Variants in GCFC2 observed in about 807,000 individuals in gnomAD.
GCFC2 encodes intron Large complex component GCFC2.
Under a neutral mutation model 99.4 loss-of-function variants are expected in GCFC2, and 102 were observed. The ratio of observed to expected loss-of-function variants is 1.03; its 90% confidence interval spans 0.87 to 1.21. GCFC2 has a LOEUF of 1.21. Among genes scored for constraint, GCFC2 ranks in the 50% most tolerant of loss-of-function variants. The pLI is 0.00. For synonymous variants in GCFC2, 338 were observed against 316.8 expected (o/e 1.07, Z -0.71); for missense variants, 973 against 920.9 (o/e 1.06, Z -0.73).
chr2:75,695,921 CAT>C (rs1424761776), intron 5 of GCFC2, among the ~76,000 whole-genome samples: 1 of 152,168 alleles, frequency 6.6e-6, no homozygotes, highest in Admixed American at 6.5e-5. Context: ...CAATTTAAAA[CAT>C]ATGAATTGTT....
intron 11 of GCFC2, among the ~76,000 whole-genome samples, chr2:75,680,875 C>A (rs915931407): frequency 3.3e-5 from 5 of 152,200 alleles, no homozygotes; most frequent in African/African-American, 1.2e-4. Context: ...ACAGCATCTA[C>A]ACACCTACCT....
In GCFC2 at chr2:75,670,186, T is replaced by C. The variant is rs140250823; in HGVS notation, c.2055A>G (p.Ala685=). Residue 685 remains alanine (A), a synonymous_variant, in exon 15 of 17, where the codon GCA becomes GCG. Transcript: ENST00000321027. ...GKLLNRYLII[A]LLNATPGPDV... ...CTGGCCCAGGTGTGGCATTGAGAAGTGCTATAATAAGGTAACGATTTAGCA... is the reference window on the plus strand; with the variant it reads ...CTGGCCCAGGTGTGGCATTGAGAAGCGCTATAATAAGGTAACGATTTAGCA... 320 of 1,609,650 alleles carry C rather than the reference T, an allele frequency of 2.0e-4. No homozygotes were observed. The African/African-American group carries it at 3.9e-3, about 20-fold the overall frequency.
chr2:75,683,587 C>T (rs1679671492), intron 11 of GCFC2, among the ~76,000 whole-genome samples: 1 of 151,956 alleles, frequency 6.6e-6, no homozygotes, highest in Admixed American at 6.6e-5. Context: ...CAAATTCACA[C>T]ATAACAATAT....
chr2:75,689,311 A>G (rs1679951898), intron 9 of GCFC2, 86 bp from the exon 10 acceptor site: 2 of 673,440 alleles, frequency 3.0e-6, no homozygotes, highest in Admixed American at 6.1e-5. Context: ...ATGGACTGTA[A>G]TCAATTGAGC....
rs765485907 is a variant in GCFC2, at chr2:75,710,791, G to A, written c.65C>T (p.Ala22Val). The A allele has an allele frequency of 2.4e-5, 38 of 1,577,092 alleles. No homozygotes were observed. The Admixed American group carries it at 2.8e-4, about 12-fold the overall frequency. ...RAADSSDSDG[A>V]EESPAEPGAP... ...CCCAGGCTCAGCAGGCGACTCCTCG[G>A]CGCCATCGCTGTCGCTGGAATCAGC... The change falls in exon 1 of 17, where the codon GCC becomes GTC. Residue 22 changes from alanine to valine, a missense_variant. Physicochemically the swap from Ala to Val is moderately conservative, Grantham distance 64. Transcript: ENST00000321027.
intron 6 of GCFC2, 26 bp downstream of exon 6, chr2:75,694,215 T>C (rs750587736): frequency 6.7e-6 from 4 of 596,570 alleles, no homozygotes; most frequent in Admixed American, 2.9e-5. Flanking sequence ...AAAAAGGAAA[T>C]GATATAAATA....
intron 11 of GCFC2, among the ~76,000 whole-genome samples, chr2:75,687,166 C>T (rs1679856538): frequency 6.6e-6 from 1 of 152,090 alleles, no homozygotes; most frequent in Non-Finnish European, 1.5e-5. Flanking sequence ...GAACTCCTGA[C>T]CTCAGGTGAT....
At chr2:75,703,222 C>T (rs972001438) in intron 2 of GCFC2, among the ~76,000 whole-genome samples, 1 of 152,126 alleles carries the variant, frequency 6.6e-6, no homozygotes, top group South Asian at 2.1e-4. Context: ...AAAAATACTA[C>T]ATTAAAGAAA....
chr2:75,687,805 T>C, intron 11 of GCFC2, 22 bp downstream of exon 11: 1 of 1,571,482 alleles, frequency 6.4e-7, no homozygotes, highest in South Asian at 1.2e-5. Flanking sequence ...AATTTAATTT[T>C]ACCAAGGTTA....
chr2:75,666,154 C>T, intron 15 of GCFC2, 101 bp from the exon 16 acceptor site: 1 of 803,918 alleles, frequency 1.2e-6, no homozygotes, highest in Non-Finnish European at 1.9e-6. Flanking sequence ...TCATTCTCCC[C>T]ATTTTATAGT....
upstream of GCFC2, chr2:75,711,131 T>A: frequency 8.0e-7 from 1 of 1,246,222 alleles, no homozygotes; most frequent in East Asian, 3.6e-5. Flanking sequence ...TCACGGCCTA[T>A]CCGGTCTGAG....
At chr2:75,674,438 G>A (rs543418740) in intron 12 of GCFC2, among the ~76,000 whole-genome samples, 9 of 151,866 alleles carry the variant, frequency 5.9e-5, no homozygotes, top group South Asian at 2.1e-4. Context: ...CTATAAATAC[G>A]CAATGAGATA....
At chr2:75,676,471 T>C (rs1459284471) in intron 12 of GCFC2, among the ~76,000 whole-genome samples, 1 of 152,168 alleles carries the variant, frequency 6.6e-6, no homozygotes, top group Non-Finnish European at 1.5e-5. Context: ...TCATACTTTT[T>C]TTTTTTTTAC....
At chr2:75,687,245 G>T (rs1268985111) in intron 11 of GCFC2, among the ~76,000 whole-genome samples, 1 of 152,008 alleles carries the variant, frequency 6.6e-6, no homozygotes, top group Non-Finnish European at 1.5e-5. Flanking sequence ...TGAAGCAATG[G>T]TTTTAAAGAA....
intron 4 of GCFC2, among the ~76,000 whole-genome samples, chr2:75,700,857 C>T (rs1680554338): frequency 1.3e-5 from 2 of 151,934 alleles, no homozygotes; most frequent in South Asian, 4.1e-4. Flanking sequence ...CTGAGTAGGC[C>T]CTAAACCCAA....
chr2:75,706,783 T>C (rs1033458878), intron 1 of GCFC2, 132 bp from the exon 2 acceptor site: 1 of 497,756 alleles, frequency 2.0e-6, no homozygotes, highest in Admixed American at 3.7e-5. Context: ...AGTAGACATA[T>C]TGATCTTCCT....
At chr2:75,672,962 A>G (rs775896816) in intron 13 of GCFC2, among the ~76,000 whole-genome samples, 12 of 152,234 alleles carry the variant, frequency 7.9e-5, no homozygotes, top group Non-Finnish European at 1.8e-4. Context: ...ACTGAGAAAT[A>G]TTTGTTGAAA....
chr2:75,710,028 A>G (rs1681070006), intron 1 of GCFC2, among the ~76,000 whole-genome samples: 1 of 152,194 alleles, frequency 6.6e-6, no homozygotes, highest in Non-Finnish European at 1.5e-5. Context: ...TAACACCATT[A>G]CTGGTACCAT....
At position 75,706,511 on chromosome 2, in the gene GCFC2, C is replaced by A. The variant is rs751741431; in HGVS notation, c.394+12G>T. Reference sequence around the variant, plus strand: ...AATAAAATTCTTAACCAAAATCATACAAATTACTAACCTGTTGATGAAAGT... The same window carrying A: ...AATAAAATTCTTAACCAAAATCATAAAAATTACTAACCTGTTGATGAAAGT... On this transcript the variant is annotated intron_variant, in intron 2 of 16. Transcript: ENST00000321027. The A allele has an allele frequency of 8.4e-6, 13 of 1,544,110 alleles. No individual in the cohort carries two copies. In the Middle Eastern group the frequency reaches 5.2e-4, roughly 62 times the overall value.
Sources: allele counts gnomAD v4.1 joint callset (sites outside exome capture counted in the v4.1 genomes callset), GRCh38; gene constraint gnomAD v4.1.1; transcripts MANE v1.5; gene names NCBI Gene and HGNC (gene_info 2026-07-23, HGNC 2026-07-21).